Variants in RSPO1 observed in about 807,000 individuals in gnomAD.
RSPO1 encodes the protein R-spondin-1.
In RSPO1, 18 loss-of-function variants were observed where a neutral mutation model predicts 26.0. The ratio of observed to expected loss-of-function variants is 0.69; its 90% CI spans 0.48 to 1.03. The LOEUF is 1.03. Ranked by LOEUF, RSPO1 falls within the 50% of genes least tolerant of loss-of-function variation. The pLI, the probability that RSPO1 is intolerant of heterozygous loss-of-function variation, is 0.00. For missense variants in RSPO1, 309 were observed against 352.3 expected, an observed-to-expected ratio of 0.88 and a Z score of 0.98; for synonymous variants, 133 against 137.4, an observed-to-expected ratio of 0.97 and a Z score of 0.22.
chr1:37,626,468 G>A (rs184517118), intron 3 of RSPO1, among the ~76,000 whole-genome samples: 5 of 152,232 alleles, frequency 3.3e-5, no homozygotes, highest in African/African-American at 9.6e-5. Flanking sequence ...CCATGCCCTC[G>A]GGTTTTCTCC....
Position 37,612,748 on chromosome 1 carries a change from A to G in RSPO1, c.*7T>C, listed in dbSNP as rs1644043595. 4.4e-6 allele frequency: 7 copies of G among 1,609,122 alleles called. No homozygotes were observed. The highest frequency in any genetic ancestry group is 1.3e-5 in the African/African-American group (1 of 74,914). ...TTCTGCATGGGCCTGGAGGCTGGAC[A>G]GTGTCCCTAGGCAGGCCCTGCAGAT... On this transcript the variant is annotated 3_prime_UTR_variant, in exon 7 of 7. Transcript: ENST00000356545.
chr1:37,619,977 G>A (rs1458701161), intron 3 of RSPO1, among the ~76,000 whole-genome samples: 2 of 151,972 alleles, frequency 1.3e-5, no homozygotes, highest in Non-Finnish European at 1.5e-5. Flanking sequence ...TCGAACTCTC[G>A]ACCTCAGGTG....
intron 3 of RSPO1, among the ~76,000 whole-genome samples, chr1:37,624,244 G>T (rs1393399013): frequency 6.6e-6 from 1 of 152,158 alleles, no homozygotes; most frequent in East Asian, 1.9e-4. Flanking sequence ...AACATAGTGA[G>T]ATCAAGACCC....
chr1:37,627,825 C>T (rs917419415), intron 3 of RSPO1, among the ~76,000 whole-genome samples: 1 of 152,212 alleles, frequency 6.6e-6, no homozygotes, highest in African/African-American at 2.4e-5. Context: ...TCATCCCTCC[C>T]TGCACCCCTG....
chr1:37,621,729 G>T (rs975551713), intron 3 of RSPO1, among the ~76,000 whole-genome samples: 5 of 151,996 alleles, frequency 3.3e-5, no homozygotes, highest in Non-Finnish European at 7.4e-5. Flanking sequence ...GAACTCAAGA[G>T]AACTATTTTG....
rs1195972296 is a variant in RSPO1 at position 37,634,398 on chromosome 1, A to C, written c.-356+168T>G. ...GGCAGACTTGCAGGAAGGGTGCAGG[A>C]GGTGCCCTGTCCTGATCGCCGACCG... On this transcript the variant is annotated intron_variant, in intron 1 of 6. Transcript: ENST00000356545. This position sits in a 1 kb window ranked among gnomAD's most constrained non-coding sequence, Gnocchi z 4.7. Among the ~76,000 whole-genome samples, 1 of 151,928 alleles carries C rather than the reference A, an allele frequency of 6.6e-6. No individual in the cohort carries two copies. Among genetic ancestry groups the C allele is most frequent in the Non-Finnish European group, 1.5e-5 (1 of 67,950 alleles).
In RSPO1 at chr1:37,612,911, C is replaced by T; in HGVS notation, c.636G>A (p.Arg212=). 1 of 1,614,100 alleles carries T rather than the reference C, an allele frequency of 6.2e-7. No individual in the cohort carries two copies. Among genetic ancestry groups the T allele is most frequent in the Non-Finnish European group, 8.5e-7 (1 of 1,180,026 alleles). Residue 212 remains arginine (R), a synonymous_variant, in exon 7 of 7, where the codon AGG becomes AGA. Coordinates refer to ENST00000356545, the MANE Select transcript of RSPO1 (RefSeq NM_001242908.2). ...RRVPCPEGQK[R]RKGGQGRREN... ...CCCGCCGGCCCTGGCCTCCCTTCCT[C>T]CTCTTCTGCCCTGAAACAACCAAAC...
intron 4 of RSPO1, 24 bp downstream of exon 4, chr1:37,616,460 C>G (rs777497705): frequency 6.2e-7 from 1 of 1,612,096 alleles, no homozygotes; most frequent in Non-Finnish European, 8.5e-7. Context: ...GCCCCCTGCC[C>G]CCGACAGCCC....
In RSPO1 at chr1:37,613,941, A is replaced by G; in HGVS notation, c.437-49T>C. 1 of 1,571,490 alleles carries G rather than the reference A, an allele frequency of 6.4e-7. No individual in the cohort carries two copies. Among genetic ancestry groups the G allele is most frequent in the Non-Finnish European group, 8.8e-7 (1 of 1,141,686 alleles). ...AGAGAAGGACAAGGAGGAGGGGATC[A>G]TGTCTCCTCCTCTGGCCCAGAATAG... is the stretch of plus-strand genomic sequence containing the variant. On this transcript the variant is annotated intron_variant, in intron 5 of 6. Transcript: ENST00000356545. This position sits in a 1 kb window ranked among gnomAD's most constrained non-coding sequence, Gnocchi z 4.5.
intron 3 of RSPO1, among the ~76,000 whole-genome samples, chr1:37,625,821 G>A (rs1644267315): frequency 6.6e-6 from 1 of 152,072 alleles, no homozygotes; most frequent in Admixed American, 6.6e-5. Flanking sequence ...CAGGACTACA[G>A]GTGCACATCA....
At chr1:37,619,577 A>G (rs1045552771) in intron 3 of RSPO1, among the ~76,000 whole-genome samples, 1 of 152,212 alleles carries the variant, frequency 6.6e-6, no homozygotes, top group Non-Finnish European at 1.5e-5. Flanking sequence ...AACAAACACC[A>G]AACCATCACA....
chr1:37,628,282 C>G lies in RSPO1; in HGVS notation c.94+1286G>C, dbSNP rs1644307915. Among the ~76,000 whole-genome samples, 4 of 152,236 alleles carry G rather than the reference C, an allele frequency of 2.6e-5. No individual in the cohort carries two copies. The South Asian group carries it at 8.3e-4, about 32-fold the overall frequency. On this transcript the variant is annotated intron_variant, in intron 3 of 6. Transcript: ENST00000356545. ...ATGGAGTCCAAAATACTGGCCACAA[C>G]AGATGAGAAGGGAGGAAAATCAAGG...
At chr1:37,630,969 T>C (rs1310181283) in intron 2 of RSPO1, among the ~76,000 whole-genome samples, 1 of 152,094 alleles carries the variant, frequency 6.6e-6, no homozygotes, top group Non-Finnish European at 1.5e-5. Context: ...CTGAACCTGT[T>C]TCACATCTAT....
In RSPO1 at chr1:37,612,535, G is replaced by T; in HGVS notation, c.*220C>A. 3.3e-6 allele frequency: 2 copies of T among 609,418 alleles called. No homozygotes were observed. The highest frequency in any genetic ancestry group is 3.7e-5 in the South Asian group (2 of 54,496). The allele number at this position is 609,418 out of a possible 1,614,324, so 37.8% of individuals were successfully genotyped here. On this transcript the variant is annotated 3_prime_UTR_variant, in exon 7 of 7. Coordinates refer to ENST00000356545, the MANE Select transcript of RSPO1 (RefSeq NM_001242908.2). ...GTGTGTGTGTGTATGTGTGTGTGTGGTGTCTGTGTCTGCGTGTGTACATGA... is the reference window on the plus strand; with the variant it reads ...GTGTGTGTGTGTATGTGTGTGTGTGTTGTCTGTGTCTGCGTGTGTACATGA...
At chr1:37,631,396 C>T (rs1366920522) in intron 2 of RSPO1, among the ~76,000 whole-genome samples, 1 of 152,166 alleles carries the variant, frequency 6.6e-6, no homozygotes, top group Non-Finnish European at 1.5e-5. Context: ...CTCCAGTACT[C>T]CCTGCCTGAT....
chr1:37,629,691 G>A lies in RSPO1; in HGVS notation c.-30C>T, dbSNP rs553489430. On this transcript the variant is annotated 5_prime_UTR_variant, in exon 3 of 7. Transcript: ENST00000356545. ...ACGCGCCAGCTCCAGGCCCCTGGTC[G>A]GAGGGGTGGTCTCGGGGAGGGTGGA... The A allele has an allele frequency of 8.1e-6, 13 of 1,613,152 alleles. No individual in the cohort carries two copies. The highest frequency in any genetic ancestry group is 5.3e-5 in the African/African-American group (4 of 74,998).
At position 37,612,889 on chromosome 1, in the gene RSPO1, G is replaced by A. The variant is rs182482113; in HGVS notation, c.658C>T (p.Arg220Trp). 545 of 1,613,966 alleles carry A rather than the reference G, an allele frequency of 3.4e-4. 2 individuals are homozygous for A. The African/African-American group carries it at 4.8e-3, about 14-fold the overall frequency. ...QKRRKGGQGR[R>W]ENANRNLARK... ...GCCAGGTTCCTGTTGGCATTCTCCC[G>A]CCGGCCCTGGCCTCCCTTCCTCCTC... is the stretch of plus-strand genomic sequence containing the variant. The change falls in exon 7 of 7, where the codon CGG becomes TGG. Residue 220 changes from arginine to tryptophan, a missense_variant. Physicochemically the swap from Arg to Trp is moderately radical, Grantham distance 101 (BLOSUM62 -3). Transcript: ENST00000356545.
At chr1:37,617,661 C>CAAA (rs34856591) in intron 3 of RSPO1, among the ~76,000 whole-genome samples, 1,828 of 36,174 alleles carry the variant, frequency 0.051, 332 homozygotes, top group East Asian at 0.12. Flanking sequence ...GACTCCATCT[C>CAAA]AAAAAAAAAA....
rs1644037532 is a variant in RSPO1 at position 37,612,458 on chromosome 1, C to T, written c.*297G>A. 8.2e-6 allele frequency: 4 copies of T among 485,490 alleles called. No individual in the cohort carries two copies. Among genetic ancestry groups the T allele is most frequent in the Admixed American group, 3.4e-5 (1 of 29,554 alleles). The allele number at this position is 485,490 out of a possible 1,614,324, so 30.1% of individuals were successfully genotyped here. On this transcript the variant is annotated 3_prime_UTR_variant, in exon 7 of 7. Coordinates refer to ENST00000356545, the MANE Select transcript of RSPO1 (RefSeq NM_001242908.2). Reference sequence around the variant, plus strand: ...GGGAGCTCTGGAAACCAAGTGTGTACTGCTGGGCCCGAGGGATGGAAGTGT... The same window carrying T: ...GGGAGCTCTGGAAACCAAGTGTGTATTGCTGGGCCCGAGGGATGGAAGTGT...
Sources: gnomAD v4.1 joint callset for allele counts (sites outside exome capture counted in the v4.1 genomes callset) on GRCh38, gnomAD v4.1.1 for gene constraint, Gnocchi (gnomAD v3.1) non-coding constraint, MANE v1.5 for transcripts, NCBI Gene and HGNC (gene_info 2026-07-23, HGNC 2026-07-21) for gene names.